Variants in NTN1 observed in about 807,000 individuals in gnomAD.
NTN1 encodes netrin-1.
Under a neutral mutation model 54.2 loss-of-function variants are expected in NTN1, and 11 were observed. That is an observed-to-expected ratio of 0.20 (90% confidence interval 0.13 to 0.34). The LOEUF (loss-of-function observed/expected upper bound fraction) is 0.34. NTN1 is among the 10% of genes least tolerant of loss of function. NTN1 has a pLI of 1.00. For missense variants in NTN1, 740 were observed against 893.1 expected (o/e 0.83, Z 2.18); for synonymous variants, 371 against 382.0 (o/e 0.97, Z 0.33).
intron 5 of NTN1, among the ~76,000 whole-genome samples, chr17:9,215,987 G>A (rs1262327478): frequency 6.6e-6 from 1 of 152,134 alleles, no homozygotes; most frequent in Non-Finnish European, 1.5e-5. Context: ...TAGAGACAGG[G>A]TTTTACTCTG....
chr17:9,172,409 G>A (rs560740399), intron 3 of NTN1, among the ~76,000 whole-genome samples: 5 of 152,170 alleles, frequency 3.3e-5, no homozygotes, highest in Non-Finnish European at 7.4e-5. Context: ...GACCCGGGAG[G>A]CGGAGCTTGC....
chr17:9,050,721 T>C (rs1051489878), intron 2 of NTN1, among the ~76,000 whole-genome samples: 6 of 150,178 alleles, frequency 4.0e-5, no homozygotes, highest in Middle Eastern at 3.3e-3. Flanking sequence ...CTCTGTCATG[T>C]ACCAGCTAAA....
chr17:9,107,297 GTATTT>G (rs1400512817), intron 2 of NTN1, among the ~76,000 whole-genome samples: 3 of 152,208 alleles, frequency 2.0e-5, no homozygotes, highest in African/African-American at 7.2e-5. Flanking sequence ...TGTTTTAACT[GTATTT>G]TAATTAAAGA....
intron 2 of NTN1, among the ~76,000 whole-genome samples, chr17:9,133,754 A>ATTT (rs57053201): frequency 0.018 from 1,932 of 104,484 alleles, 84 homozygotes; most frequent in African/African-American, 0.041. Context: ...TGCCCAGCTA[A>ATTT]TTTTTTTTTT....
chr17:9,179,688 C>T lies in NTN1; in HGVS notation c.1208-119C>T, dbSNP rs916078075. 9.4e-6 allele frequency: 12 copies of T among 1,270,754 alleles called. No homozygotes were observed. In the African/African-American group the frequency reaches 1.4e-4, roughly 14 times the overall value. 78.7% of individuals were successfully genotyped at this position (1,270,754 alleles called of 1,614,324 possible). On this transcript the variant is annotated intron_variant, in intron 3 of 6. Transcript: ENST00000173229. ...TTTGGGCTTGGCTGGGCCTGCTCCC[C>T]ATCGCTGCTCTTCCTCCAGGGCAGG...
At chr17:9,113,012 A>T (rs193203198) in intron 2 of NTN1, among the ~76,000 whole-genome samples, 1 of 150,392 alleles carries the variant, frequency 6.6e-6, no homozygotes, top group Admixed American at 6.7e-5. Context: ...TACGTTTTGT[A>T]TACAGAATTT....
intron 2 of NTN1, among the ~76,000 whole-genome samples, chr17:9,062,033 A>T (rs1365779685): frequency 6.6e-6 from 1 of 152,178 alleles, no homozygotes; most frequent in East Asian, 1.9e-4. Context: ...GACAAGCCTG[A>T]TGAAATGGCG....
intron 5 of NTN1, among the ~76,000 whole-genome samples, chr17:9,184,395 G>C (rs1257600723): frequency 6.6e-6 from 1 of 152,224 alleles, no homozygotes; most frequent in Non-Finnish European, 1.5e-5. Flanking sequence ...AGATGAGGAA[G>C]CTCTCTCTGT....
chr17:9,149,260 C>A (rs934538987), intron 2 of NTN1, among the ~76,000 whole-genome samples: 2 of 150,318 alleles, frequency 1.3e-5, no homozygotes, highest in African/African-American at 2.5e-5. Flanking sequence ...GAACCCCCCC[C>A]ACACCCCCAC....
At chr17:9,156,719 T>G (rs547840606) in intron 2 of NTN1, among the ~76,000 whole-genome samples, 1 of 152,172 alleles carries the variant, frequency 6.6e-6, no homozygotes, top group African/African-American at 2.4e-5. Context: ...AGCACAGCAG[T>G]CTACTTGAGC....
At position 9,182,999 on chromosome 17, in the gene NTN1, C is replaced by T. The variant is rs199909579; in HGVS notation, c.1411+30C>T. The T allele has an allele frequency of 2.0e-4, 316 of 1,596,244 alleles. 2 individuals are homozygous for T. The South Asian group carries it at 2.4e-3, about 12-fold the overall frequency. On this transcript the variant is annotated intron_variant, in intron 5 of 6. Coordinates refer to ENST00000173229, the MANE Select transcript of NTN1 (RefSeq NM_004822.3). ...ACGGCCCCCTTCGCTTCTCATTTCC[C>T]GCTTTTGCTGGGTGGTGGGGTGGTG...
rs1906281892 is a variant in NTN1 at position 9,243,226 on chromosome 17, C to G, written c.*3258C>G. On this transcript the variant is annotated 3_prime_UTR_variant, in exon 7 of 7. Transcript: ENST00000173229. The stretch of plus-strand genomic sequence containing the variant: ...GAAAGCAGGGCAGGAGGCAGCATCC[C>G]CAGGGGCCTCTATGTGGGAGGGAGG... 1 of 152,166 alleles carries G rather than the reference C, an allele frequency of 6.6e-6. No homozygotes were observed. Among genetic ancestry groups the G allele is most frequent in the African/African-American group, 2.4e-5 (1 of 41,412 alleles). 9.4% of individuals were successfully genotyped at this position (152,166 alleles called of 1,614,324 possible). A position where few individuals can be genotyped will look rare whatever the true frequency, so the allele number is the denominator to read the frequency against.
chr17:9,011,649 G>T, the NTN1 span, among the ~76,000 whole-genome samples: 9 of 152,110 alleles, frequency 5.9e-5, no homozygotes, highest in Admixed American at 1.3e-4. Context: ...GAGTGCAGTG[G>T]CACGATCTCA....
intron 6 of NTN1, among the ~76,000 whole-genome samples, chr17:9,226,093 G>A (rs575025598): frequency 7.8e-4 from 112 of 143,234 alleles, no homozygotes; most frequent in Non-Finnish European, 1.5e-3. Flanking sequence ...TCGGGCACAC[G>A]CTTACAGAGA....
chr17:9,229,461 C>G (rs1035264793), intron 6 of NTN1, among the ~76,000 whole-genome samples: 2 of 152,114 alleles, frequency 1.3e-5, no homozygotes, highest in Non-Finnish European at 2.9e-5. Context: ...ATAAAATACT[C>G]TGCGCGGGAT....
chr17:9,153,485 G>T (rs2092333530), intron 2 of NTN1, among the ~76,000 whole-genome samples: 1 of 151,404 alleles, frequency 6.6e-6, no homozygotes, highest in Middle Eastern at 3.2e-3. Flanking sequence ...ACTCAGCTCT[G>T]TGTGTCTTAG....
At chr17:9,131,011 A>G (rs918872798) in intron 2 of NTN1, among the ~76,000 whole-genome samples, 5 of 151,726 alleles carry the variant, frequency 3.3e-5, no homozygotes, top group Admixed American at 3.3e-4. Flanking sequence ...ACTTTCCCTA[A>G]TTCTCTGTGT....
chr17:9,145,185 T>C (rs1235567000), intron 2 of NTN1, among the ~76,000 whole-genome samples: 1 of 152,216 alleles, frequency 6.6e-6, no homozygotes. Flanking sequence ...AGAGGACTCC[T>C]GGGGAATTAG....
rs772013106 is a variant in NTN1, at chr17:9,237,001, G to T, written c.1487-2639G>T. Among the ~76,000 whole-genome samples, 90 of 152,182 alleles carry T rather than the reference G, an allele frequency of 5.9e-4. 1 individual carries two copies. Among genetic ancestry groups the T allele is most frequent in the Non-Finnish European group, 1.1e-3 (76 of 68,016 alleles). ...TCTAAGGCTAGGCCTTCTCCAGCCAGCTCTTTCTCTAGCCTCTTCTCAGCA... is the reference window on the plus strand; with the variant it reads ...TCTAAGGCTAGGCCTTCTCCAGCCATCTCTTTCTCTAGCCTCTTCTCAGCA... On this transcript the variant is annotated intron_variant, in intron 6 of 6. Coordinates refer to ENST00000173229, the MANE Select transcript of NTN1 (RefSeq NM_004822.3).
Sources: gnomAD v4.1 joint callset for allele counts (sites outside exome capture counted in the v4.1 genomes callset) on GRCh38, gnomAD v4.1.1 for gene constraint, MANE v1.5 for transcripts, NCBI Gene and HGNC (gene_info 2026-07-23, HGNC 2026-07-21) for gene names.